The following RANBP2 variants were observed in gnomAD, a reference collection of about 807,000 sequenced individuals.
The protein encoded by RANBP2 is E3 SUMO-protein ligase RanBP2.
In RANBP2, 57 loss-of-function variants were observed where a neutral mutation model predicts 303.6. The observed-to-expected ratio is 0.19, with a 90% CI of 0.15 to 0.23. The LOEUF (loss-of-function observed/expected upper bound fraction) is 0.23, where lower values mean the gene tolerates loss of function less well. Ranked by LOEUF, RANBP2 falls within the 10% of genes least tolerant of loss-of-function variation. The pLI is 1.00. For missense variants in RANBP2, 3,138 were observed against 3,780.8 expected (o/e 0.83, Z 4.46); for synonymous variants, 1,167 against 1,301.5 (o/e 0.90, Z 2.23).
the RANBP2 span, among the ~76,000 whole-genome samples, chr2:109,345,449 G>A: frequency 1.3e-5 from 2 of 152,262 alleles, no homozygotes; most frequent in South Asian, 2.1e-4. Context: ...AGCAAAAGTC[G>A]CCAAACAGCC....
the RANBP2 span, among the ~76,000 whole-genome samples, chr2:109,477,350 G>A: frequency 6.6e-6 from 1 of 152,144 alleles, no homozygotes; most frequent in African/African-American, 2.4e-5. Context: ...AAAGTGACAG[G>A]TATATGGGCC....
the RANBP2 span, among the ~76,000 whole-genome samples, chr2:109,238,292 A>G: frequency 7.9e-5 from 12 of 152,228 alleles, no homozygotes; most frequent in Non-Finnish European, 1.5e-4. Context: ...CCAGATGGCA[A>G]GTACACTAAT....
the RANBP2 span, among the ~76,000 whole-genome samples, chr2:109,253,929 C>A: frequency 6.6e-6 from 1 of 151,962 alleles, no homozygotes; most frequent in African/African-American, 2.4e-5. Context: ...TCTTTAATTC[C>A]CCTTCCACAG....
At chr2:109,674,274 G>A in the RANBP2 span, among the ~76,000 whole-genome samples, 12 of 151,794 alleles carry the variant, frequency 7.9e-5, no homozygotes, top group African/African-American at 2.4e-4. Context: ...GGTAGAAACT[G>A]CTGAATTTCA....
At chr2:109,361,485 T>C in the RANBP2 span, among the ~76,000 whole-genome samples, 1 of 152,186 alleles carries the variant, frequency 6.6e-6, no homozygotes, top group South Asian at 2.1e-4. Context: ...ATTCAGTTTC[T>C]TTTTTTAAAA....
At chr2:108,736,482 T>G (rs1330738978) in intron 6 of RANBP2, among the ~76,000 whole-genome samples, 1 of 152,220 alleles carries the variant, frequency 6.6e-6, no homozygotes, top group East Asian at 1.9e-4. Flanking sequence ...CAAGCTTGAT[T>G]AAAATTAGCC....
chr2:108,906,535 T>C, the RANBP2 span, among the ~76,000 whole-genome samples: 1 of 152,116 alleles, frequency 6.6e-6, no homozygotes, highest in Non-Finnish European at 1.5e-5. Flanking sequence ...AGGAGGGCCT[T>C]CTTCAGGTTT....
At chr2:109,149,996 C>T in the RANBP2 span, among the ~76,000 whole-genome samples, 1 of 152,292 alleles carries the variant, frequency 6.6e-6, no homozygotes, top group Middle Eastern at 3.4e-3. Context: ...CCTCCCCAAA[C>T]ACTGATGTCT....
At chr2:109,553,904 C>T in the RANBP2 span, among the ~76,000 whole-genome samples, 1 of 151,586 alleles carries the variant, frequency 6.6e-6, no homozygotes, top group African/African-American at 2.4e-5. Flanking sequence ...CAAGTGCTCA[C>T]CTAATGCCAT....
chr2:109,239,181 G>A, the RANBP2 span, among the ~76,000 whole-genome samples: 6 of 152,094 alleles, frequency 3.9e-5, no homozygotes, highest in Non-Finnish European at 8.8e-5. Context: ...TTTCTTCCCT[G>A]GGTGTGAGCC....
the RANBP2 span, among the ~76,000 whole-genome samples, chr2:109,275,492 T>C: frequency 6.6e-5 from 10 of 152,180 alleles, no homozygotes; most frequent in Admixed American, 5.9e-4. Context: ...TATTTATTGA[T>C]TCTGGGTTGT....
chr2:109,728,447 T>A, the RANBP2 span, among the ~76,000 whole-genome samples: 7 of 152,206 alleles, frequency 4.6e-5, no homozygotes, highest in African/African-American at 1.7e-4. Flanking sequence ...TTTTTATTTT[T>A]AAAAAATTTA....
the RANBP2 span, among the ~76,000 whole-genome samples, chr2:109,578,654 C>G: frequency 1.3e-5 from 2 of 152,086 alleles, no homozygotes; most frequent in African/African-American, 4.8e-5. Flanking sequence ...GTAATCCCAG[C>G]TACTCGGGAG....
At chr2:108,856,706 A>G in the RANBP2 span, 4 of 1,228,322 alleles carry the variant, frequency 3.3e-6, no homozygotes, top group Admixed American at 2.4e-5. Context: ...GAGTTTGTTA[A>G]AGTAACGACA....
chr2:109,344,805 G>T, the RANBP2 span, among the ~76,000 whole-genome samples: 2 of 152,164 alleles, frequency 1.3e-5, no homozygotes, highest in Non-Finnish European at 2.9e-5. Flanking sequence ...GGATTTCATG[G>T]CCAGAGGAGG....
the RANBP2 span, among the ~76,000 whole-genome samples, chr2:109,172,623 A>G: frequency 2.8e-3 from 426 of 152,082 alleles, 5 homozygotes; most frequent in African/African-American, 9.7e-3. Flanking sequence ...CAGCAGCATC[A>G]CCTCTCCGGA....
chr2:109,432,593 A>G, the RANBP2 span: 1 of 1,613,552 alleles, frequency 6.2e-7, no homozygotes, highest in Non-Finnish European at 8.5e-7. Context: ...AAGTGTCAGG[A>G]TGGCTGGTTC....
chr2:109,499,959 C>T, the RANBP2 span, among the ~76,000 whole-genome samples: 1 of 151,952 alleles, frequency 6.6e-6, no homozygotes, highest in Non-Finnish European at 1.5e-5. Flanking sequence ...AGGGAGGCAG[C>T]GAGTGGGGGC....
chr2:109,543,902 A>G, the RANBP2 span: 1 of 447,306 alleles, frequency 2.2e-6, no homozygotes, highest in Non-Finnish European at 4.0e-6. Context: ...CTCTAATTAC[A>G]TAATTCATGT....
Sources: allele counts gnomAD v4.1 joint callset (sites outside exome capture counted in the v4.1 genomes callset), GRCh38; gene constraint gnomAD v4.1.1; transcripts MANE v1.5; gene names NCBI Gene and HGNC (gene_info 2026-07-23, HGNC 2026-07-21).